Variants in CTSS observed in about 807,000 individuals in gnomAD.
CTSS encodes cathepsin S.
In CTSS, 15 loss-of-function variants were observed where a neutral mutation model predicts 39.9. The ratio of observed to expected loss-of-function variants is 0.38; its 90% confidence interval spans 0.25 to 0.58. CTSS has a LOEUF of 0.58. CTSS is among the 20% of genes least tolerant of loss of function. The pLI, the probability that CTSS is intolerant of heterozygous loss-of-function variation, is 0.70. For missense variants in CTSS, 250 were observed against 398.2 expected (o/e 0.63, Z 3.17); for synonymous variants, 126 against 138.2 (o/e 0.91, Z 0.62).
intron 3 of CTSS, 103 bp downstream of exon 3, chr1:150,757,755 A>G (rs587767644): frequency 3.2e-6 from 4 of 1,237,308 alleles, no homozygotes; most frequent in African/African-American, 1.5e-5. Flanking sequence ...TGTACTATAC[A>G]TTCCTTTGTT....
At position 150,758,072 on chromosome 1, in the gene CTSS, T is replaced by C. The variant is rs994503325; in HGVS notation, c.127-92A>G. ...ATGGCAATTTTTTTTTTTTTTGAGA[T>C]GGAGTCTCACTCTGTCACCCAAGCT... is the stretch of plus-strand genomic sequence containing the variant. On this transcript the variant is annotated intron_variant, in intron 2 of 7. Coordinates refer to ENST00000368985, the MANE Select transcript of CTSS (RefSeq NM_004079.5). 5 of 1,209,774 alleles carry C rather than the reference T, an allele frequency of 4.1e-6. No homozygotes were observed. In the African/African-American group the frequency reaches 7.6e-5, roughly 18 times the overall value. The allele number at this position is 1,209,774 out of a possible 1,614,324, so 74.9% of individuals were successfully genotyped here. A position where few individuals can be genotyped will look rare whatever the true frequency, so the allele number is the denominator to read the frequency against.
At chr1:150,756,777 C>T (rs1471922483) in intron 3 of CTSS, among the ~76,000 whole-genome samples, 1 of 147,254 alleles carries the variant, frequency 6.8e-6, no homozygotes, top group Non-Finnish European at 1.5e-5. Context: ...AGTGCAATGG[C>T]ATGACCTCGG....
chr1:150,745,538 A>G (rs979815356), intron 7 of CTSS, among the ~76,000 whole-genome samples: 1 of 152,146 alleles, frequency 6.6e-6, no homozygotes, highest in Middle Eastern at 3.4e-3. Context: ...GGTGCATGCC[A>G]GTAGTGCCAG....
chr1:150,733,008 T>C lies in CTSS; in HGVS notation c.*38A>G. The C allele has an allele frequency of 1.4e-6, 2 of 1,424,560 alleles. No homozygotes were observed. Among genetic ancestry groups the C allele is most frequent in the Non-Finnish European group, 2.0e-6 (2 of 1,015,444 alleles). The allele number at this position is 1,424,560 out of a possible 1,614,324, so 88.2% of individuals were successfully genotyped here. A position where few individuals can be genotyped will look rare whatever the true frequency, so the allele number is the denominator to read the frequency against. On this transcript the variant is annotated 3_prime_UTR_variant, in exon 8 of 8. Transcript: ENST00000368985. ...GAAAAATTAAGTTAAGAGAAAGTGC[T>C]TCATATTTCTTGATTTGTTATAAAA...
rs1234766660 is a variant in CTSS at position 150,730,907 on chromosome 1, A to C, written c.*2139T>G. On this transcript the variant is annotated 3_prime_UTR_variant, in exon 8 of 8. Coordinates refer to ENST00000368985, the MANE Select transcript of CTSS (RefSeq NM_004079.5). ...TTAATATATAACAAACTTATCTTTT[A>C]ACATTTTAATAACTGTATTTCGATA... 6.6e-6 allele frequency: 1 copy of C among 151,984 alleles called. No individual in the cohort carries two copies. The highest frequency in any genetic ancestry group is 2.4e-5 in the African/African-American group (1 of 41,268). The allele number at this position is 151,984 out of a possible 1,614,324, so 9.4% of individuals were successfully genotyped here. A position where few individuals can be genotyped will look rare whatever the true frequency, so the allele number is the denominator to read the frequency against.
intron 7 of CTSS, among the ~76,000 whole-genome samples, chr1:150,738,916 C>T (rs1179374388): frequency 6.6e-6 from 1 of 152,116 alleles, no homozygotes; most frequent in African/African-American, 2.4e-5. Context: ...TACAATGGGC[C>T]AGGTGCGGTG....
intron 7 of CTSS, among the ~76,000 whole-genome samples, chr1:150,745,163 G>T (rs1652868753): frequency 6.6e-6 from 1 of 152,040 alleles, no homozygotes; most frequent in Non-Finnish European, 1.5e-5. Flanking sequence ...CCTTTTGTTT[G>T]ATTTGTAGAC....
At chr1:150,759,066 C>A (rs1302716815) in intron 2 of CTSS, among the ~76,000 whole-genome samples, 1 of 149,336 alleles carries the variant, frequency 6.7e-6, no homozygotes, top group Non-Finnish European at 1.5e-5. Flanking sequence ...GACAGGGTCT[C>A]CCTATGTTGC....
At chr1:150,755,637 G>A (rs944628091) in intron 3 of CTSS, among the ~76,000 whole-genome samples, 6 of 152,168 alleles carry the variant, frequency 3.9e-5, no homozygotes, top group African/African-American at 1.4e-4. Flanking sequence ...CTATTTGGGA[G>A]GCTGAGGCAG....
rs371419586 is a variant in CTSS, at chr1:150,747,728, C to A, written c.896+49G>T. 3 of 1,234,790 alleles carry A rather than the reference C, an allele frequency of 2.4e-6. No homozygotes were observed. In the African/African-American group the frequency reaches 4.5e-5, roughly 18 times the overall value. The allele number at this position is 1,234,790 out of a possible 1,614,324, so 76.5% of individuals were successfully genotyped here. A position where few individuals can be genotyped will look rare whatever the true frequency, so the allele number is the denominator to read the frequency against. The stretch of plus-strand genomic sequence containing the variant: ...AAAATCATGAGAGTATTTGCTGAAA[C>A]TCCCTCAAATTCCTGATTCCAATTA... On this transcript the variant is annotated intron_variant, in intron 7 of 7. Coordinates refer to ENST00000368985, the MANE Select transcript of CTSS (RefSeq NM_004079.5).
intron 6 of CTSS, among the ~76,000 whole-genome samples, chr1:150,748,875 A>AT (rs1652948223): frequency 6.6e-6 from 1 of 152,208 alleles, no homozygotes; most frequent in South Asian, 2.1e-4. Context: ...TTCTCACAAT[A>AT]TTTCAAACTT....
At chr1:150,760,490 T>A (rs781261276) in intron 2 of CTSS, among the ~76,000 whole-genome samples, 5 of 152,184 alleles carry the variant, frequency 3.3e-5, no homozygotes, top group Non-Finnish European at 7.4e-5. Flanking sequence ...AATATAGTGC[T>A]GAAAATCCTA....
intron 7 of CTSS, among the ~76,000 whole-genome samples, chr1:150,742,741 G>T (rs750188724): frequency 1.3e-5 from 2 of 152,238 alleles, no homozygotes; most frequent in African/African-American, 4.8e-5. Context: ...GGGCTGGGTG[G>T]GTTGAGGGGG....
chr1:150,763,444 A>G (rs1372622178), intron 2 of CTSS, among the ~76,000 whole-genome samples: 1 of 152,218 alleles, frequency 6.6e-6, no homozygotes, highest in Non-Finnish European at 1.5e-5. Context: ...GTAGATTTTA[A>G]ATGTTCTTAT....
chr1:150,742,892 T>C (rs1344946916), intron 7 of CTSS, among the ~76,000 whole-genome samples: 1 of 152,068 alleles, frequency 6.6e-6, no homozygotes, highest in African/African-American at 2.4e-5. Context: ...GAGAAGAACA[T>C]TGTAAACTTA....
In CTSS at chr1:150,764,689, A is replaced by G. The variant is rs1265450417; in HGVS notation, c.75T>C (p.Asp25=). ...VAQLHKDPTL[D]HHWHLWKKTY... Reference sequence around the variant, plus strand: ...TTTTCTTCCAGAGATGCCAGTGGTGATCCAGGGTAGGATCTTTATGCAACT... The same window carrying G: ...TTTTCTTCCAGAGATGCCAGTGGTGGTCCAGGGTAGGATCTTTATGCAACT... The change falls in exon 2 of 8, where the codon GAT becomes GAC. Residue 25 remains aspartate, a synonymous_variant. Transcript: ENST00000368985. The G allele has an allele frequency of 6.2e-7, 1 of 1,614,024 alleles. No homozygotes were observed. Among genetic ancestry groups the G allele is most frequent in the African/African-American group, 1.3e-5 (1 of 74,928 alleles).
At chr1:150,754,559 C>G (rs1159902024) in intron 4 of CTSS, among the ~76,000 whole-genome samples, 2 of 151,718 alleles carry the variant, frequency 1.3e-5, no homozygotes, top group African/African-American at 4.8e-5. Context: ...TCCTGAGTAA[C>G]TGGGATTATA....
At chr1:150,737,672 A>C (rs898781814) in intron 7 of CTSS, among the ~76,000 whole-genome samples, 1 of 152,202 alleles carries the variant, frequency 6.6e-6, no homozygotes, top group African/African-American at 2.4e-5. Context: ...TCTTCTAGGC[A>C]TTAGGATTAC....
chr1:150,751,841 G>A lies in CTSS; in HGVS notation c.567C>T (p.Phe189=), dbSNP rs1173440658. 3.7e-6 allele frequency: 6 copies of A among 1,614,038 alleles called. No individual in the cohort carries two copies. In the African/African-American group the frequency reaches 6.7e-5, roughly 18 times the overall value. The change falls in exon 5 of 8, where the codon TTC becomes TTT. Residue 189 remains phenylalanine, a synonymous_variant. Transcript: ENST00000368985. ...TGCCCTTGTTATCAATGATGTACTGGAAAGCCGTTGTCATGAAGCCACCAT... is the reference window on the plus strand; with the variant it reads ...TGCCCTTGTTATCAATGATGTACTGAAAAGCCGTTGTCATGAAGCCACCAT... The part of the protein sequence containing the change: ...GCNGGFMTTA[F]QYIIDNKGID...
Sources: gnomAD v4.1 joint callset for allele counts (sites outside exome capture counted in the v4.1 genomes callset) on GRCh38, gnomAD v4.1.1 for gene constraint, MANE v1.5 for transcripts, NCBI Gene and HGNC (gene_info 2026-07-23, HGNC 2026-07-21) for gene names.